The following ZNF536 variants were observed in gnomAD, a reference collection of about 807,000 sequenced individuals.
ZNF536 encodes zinc finger protein 536.
Under a neutral mutation model 84.5 loss-of-function variants are expected in ZNF536, and 13 were observed. That is an observed-to-expected ratio of 0.15 (90% confidence interval 0.10 to 0.24). The LOEUF is 0.24. Ranked by LOEUF, ZNF536 falls within the 10% of genes least tolerant of loss-of-function variation. ZNF536 has a pLI of 1.00. For missense variants in ZNF536, 1,536 were observed against 1,747.5 expected (o/e 0.88, Z 2.16); for synonymous variants, 811 against 742.5 (o/e 1.09, Z -1.50).
At chr19:30,696,944 T>C (rs1367874385) in intron 1 of ZNF536, among the ~76,000 whole-genome samples, 2 of 152,234 alleles carry the variant, frequency 1.3e-5, no homozygotes, top group Non-Finnish European at 2.9e-5. Context: ...TCTCTGGCTT[T>C]GTGGCTCTGG....
At chr19:30,614,942 ATTTT>A (rs555419932) in intron 1 of ZNF536, among the ~76,000 whole-genome samples, 428 of 32,316 alleles carry the variant, frequency 0.013, 18 homozygotes, top group African/African-American at 0.05. Flanking sequence ...CCCCTTTTCA[ATTTT>A]TTTTTTTTTT....
chr19:30,664,242 CT>C (rs1338899645), intron 1 of ZNF536, among the ~76,000 whole-genome samples: 7 of 150,456 alleles, frequency 4.7e-5, no homozygotes, highest in Admixed American at 2.7e-4. Context: ...CTCTCTCTCT[CT>C]CTCTCTCTCT....
At chr19:30,260,482 T>G (rs1488884653) in intron 1 of ZNF536, among the ~76,000 whole-genome samples, 1 of 152,226 alleles carries the variant, frequency 6.6e-6, no homozygotes, top group Non-Finnish European at 1.5e-5. Context: ...TATAGTGAGA[T>G]GCTGCGAGGA....
chr19:30,457,578 C>T (rs556847880), intron 2 of ZNF536, among the ~76,000 whole-genome samples: 55 of 152,322 alleles, frequency 3.6e-4, no homozygotes, highest in South Asian at 8.3e-4. Context: ...CTCTGGGGGA[C>T]GCAGGACAGT....
chr19:30,435,439 TTGG>T (rs1367437319), intron 1 of ZNF536, among the ~76,000 whole-genome samples: 3 of 149,812 alleles, frequency 2.0e-5, no homozygotes, highest in Non-Finnish European at 1.5e-5. Context: ...GGTGATGATG[TTGG>T]TGAAGATGAT....
At chr19:30,612,723 C>G (rs1029804099) in intron 1 of ZNF536, among the ~76,000 whole-genome samples, 1 of 152,178 alleles carries the variant, frequency 6.6e-6, no homozygotes, top group Non-Finnish European at 1.5e-5. Context: ...TGAGGAGTTA[C>G]CTCATCCCCT....
At chr19:30,627,156 T>A (rs2048710952) in intron 1 of ZNF536, among the ~76,000 whole-genome samples, 1 of 151,986 alleles carries the variant, frequency 6.6e-6, no homozygotes, top group Non-Finnish European at 1.5e-5. Context: ...GATAAATGGT[T>A]AGGTACCAAC....
At chr19:30,281,495 G>C (rs139660106) in intron 1 of ZNF536, among the ~76,000 whole-genome samples, 1 of 142,338 alleles carries the variant, frequency 7.0e-6, no homozygotes. Flanking sequence ...CTGGCAACCG[G>C]GACCTTCACA....
At chr19:30,474,586 C>T (rs183363280) in intron 2 of ZNF536, among the ~76,000 whole-genome samples, 191 of 152,208 alleles carry the variant, frequency 1.3e-3, no homozygotes, top group Middle Eastern at 6.8e-3. Flanking sequence ...GATGTGTTGT[C>T]AAGGGAGGAT....
chr19:30,396,332 A>C (rs1347547640), intron 1 of ZNF536, among the ~76,000 whole-genome samples: 1 of 152,174 alleles, frequency 6.6e-6, no homozygotes, highest in Non-Finnish European at 1.5e-5. Flanking sequence ...CTATAAAATA[A>C]CCAATTGAAA....
intron 1 of ZNF536, among the ~76,000 whole-genome samples, chr19:30,691,034 C>A (rs1210079519): frequency 6.6e-6 from 1 of 152,078 alleles, no homozygotes; most frequent in Admixed American, 6.5e-5. Context: ...TGCTTACGGT[C>A]TGAGCTAGGA....
chr19:30,594,905 C>G (rs538838433), intron 1 of ZNF536, among the ~76,000 whole-genome samples: 30 of 152,218 alleles, frequency 2.0e-4, no homozygotes, highest in Middle Eastern at 3.4e-3. Flanking sequence ...ACCTCTGTCC[C>G]CCAGCTGCCC....
chr19:30,539,944 C>A (rs2045262850), intron 3 of ZNF536, among the ~76,000 whole-genome samples: 1 of 152,160 alleles, frequency 6.6e-6, no homozygotes, highest in South Asian at 2.1e-4. Context: ...CAACTTCACT[C>A]GTGAAAACTT....
chr19:30,468,086 A>C (rs1472789643), intron 2 of ZNF536, among the ~76,000 whole-genome samples: 2 of 152,238 alleles, frequency 1.3e-5, no homozygotes, highest in African/African-American at 4.8e-5. Flanking sequence ...CGCCCACGAC[A>C]AGATACGCTG....
intron 1 of ZNF536, among the ~76,000 whole-genome samples, chr19:30,668,154 T>A (rs1186502853): frequency 6.6e-6 from 1 of 152,190 alleles, no homozygotes; most frequent in African/African-American, 2.4e-5. Flanking sequence ...TAGTTCATGA[T>A]GATGGTCTTG....
At chr19:30,400,063 C>A (rs551967845) in intron 1 of ZNF536, among the ~76,000 whole-genome samples, 1 of 152,072 alleles carries the variant, frequency 6.6e-6, no homozygotes, top group East Asian at 1.9e-4. Context: ...AGAATTCATT[C>A]CTTTATATTT....
At chr19:30,283,251 A>G (rs949766685) in intron 1 of ZNF536, among the ~76,000 whole-genome samples, 4 of 152,218 alleles carry the variant, frequency 2.6e-5, no homozygotes, top group Non-Finnish European at 5.9e-5. Flanking sequence ...TGACATGGCA[A>G]AACAAATGAG....
In ZNF536 at chr19:30,445,554, G is replaced by A. The variant is rs933375578; in HGVS notation, c.1992G>A (p.Leu664=). 6.2e-7 allele frequency: 1 copy of A among 1,613,558 alleles called. No homozygotes were observed. Among genetic ancestry groups the A allele is most frequent in the Non-Finnish European group, 8.5e-7 (1 of 1,179,804 alleles). The part of the protein sequence containing the change: ...KRDRKGEEDG[L]HVGLDERRGS... ...ACCGCAAGGGCGAGGAGGATGGGCTGCACGTGGGCCTGGATGAGCGGCGTG... is the reference window on the plus strand; with the variant it reads ...ACCGCAAGGGCGAGGAGGATGGGCTACACGTGGGCCTGGATGAGCGGCGTG... The change falls in exon 2 of 5, where the codon CTG becomes CTA. Residue 664 remains leucine, a synonymous_variant. Transcript: ENST00000355537. This position sits in a 1 kb window ranked among gnomAD's most constrained non-coding sequence, Gnocchi z 4.5.
intron 2 of ZNF536, among the ~76,000 whole-genome samples, chr19:30,497,643 G>C (rs530247070): frequency 1.3e-5 from 2 of 152,194 alleles, no homozygotes; most frequent in Non-Finnish European, 2.9e-5. Context: ...AAGCAAGGGG[G>C]TGCCCCAGGG....
Sources: allele counts gnomAD v4.1 joint callset (sites outside exome capture counted in the v4.1 genomes callset), GRCh38; gene constraint gnomAD v4.1.1; non-coding constraint Gnocchi (gnomAD v3.1); transcripts MANE v1.5; gene names NCBI Gene and HGNC (gene_info 2026-07-23, HGNC 2026-07-21).